ARFGEF1: variants seen among roughly 807,000 people sequenced by gnomAD.
The protein encoded by ARFGEF1 is brefeldin A-inhibited guanine nucleotide-exchange protein 1.
ARFGEF1 carries 42 observed loss-of-function variants against 231.0 expected under a neutral mutation model. The observed-to-expected ratio is 0.18, with a 90% CI of 0.14 to 0.24. ARFGEF1 has a LOEUF of 0.24. ARFGEF1 is among the 10% of genes least tolerant of loss of function. The pLI, the probability that ARFGEF1 is intolerant of heterozygous loss-of-function variation, is 1.00. For missense variants in ARFGEF1, 1,345 were observed against 2,192.0 expected (o/e 0.61, Z 7.72); for synonymous variants, 710 against 732.3 (o/e 0.97, Z 0.49).
intron 5 of ARFGEF1, among the ~76,000 whole-genome samples, chr8:67,191,579 C>G (rs776777532): frequency 3.3e-5 from 5 of 152,178 alleles, no homozygotes; most frequent in Non-Finnish European, 5.9e-5. Context: ...GAAGGTCATT[C>G]ATGTTGTAGC....
intron 1 of ARFGEF1, among the ~76,000 whole-genome samples, chr8:67,310,053 G>T (rs1437600384): frequency 1.3e-5 from 2 of 152,090 alleles, no homozygotes; most frequent in Non-Finnish European, 2.9e-5. Flanking sequence ...AACCCAAACA[G>T]GATAGAAATC....
At chr8:67,193,495 G>GTC (rs1206214608), downstream of ARFGEF1, 6 of 1,613,372 alleles carry the variant, frequency 3.7e-6, no homozygotes, top group Non-Finnish European at 5.1e-6. Flanking sequence ...GCACCAGATG[G>GTC]TCTCTCTCTA....
At chr8:67,274,190 T>C (rs1391642664) in intron 9 of ARFGEF1, among the ~76,000 whole-genome samples, 1 of 152,186 alleles carries the variant, frequency 6.6e-6, no homozygotes, top group African/African-American at 2.4e-5. Flanking sequence ...CAGTTTTTCA[T>C]GGGGTAGTTT....
chr8:67,181,912 G>A (rs1456159666), intron 5 of ARFGEF1, among the ~76,000 whole-genome samples: 2 of 152,106 alleles, frequency 1.3e-5, no homozygotes, highest in African/African-American at 4.8e-5. Context: ...CATGTAAGTG[G>A]AATCATACAG....
intron 19 of ARFGEF1, among the ~76,000 whole-genome samples, chr8:67,250,780 G>A (rs1468829092): frequency 6.6e-6 from 1 of 152,202 alleles, no homozygotes; most frequent in Non-Finnish European, 1.5e-5. Flanking sequence ...AGAAAGGATA[G>A]AGAATGAAGA....
In ARFGEF1 at chr8:67,301,410, C is replaced by T. The variant is rs113876224; in HGVS notation, c.156-30G>A. The T allele has an allele frequency of 4.3e-4, 683 of 1,578,026 alleles. 10 individuals carry two copies. In the African/African-American group the frequency reaches 7.8e-3, roughly 18 times the overall value. ...ATGAGAAAGAAAAGTCTGATTATAG[C>T]GTATCACATTTATAATATTGATAAT... On this transcript the variant is annotated intron_variant, in intron 2 of 38. Transcript: ENST00000262215.
intron 23 of ARFGEF1, among the ~76,000 whole-genome samples, chr8:67,228,721 T>C (rs2128872577): frequency 6.6e-6 from 1 of 152,210 alleles, no homozygotes; most frequent in African/African-American, 2.4e-5. Flanking sequence ...AAAAGTGACT[T>C]AATATAACCT....
chr8:67,213,703 A>G (rs1307012251), intron 33 of ARFGEF1, among the ~76,000 whole-genome samples: 1 of 152,218 alleles, frequency 6.6e-6, no homozygotes, highest in Non-Finnish European at 1.5e-5. Flanking sequence ...ATTATCTTCA[A>G]TAATCTAGAT....
chr8:67,227,878 G>A, intron 25 of ARFGEF1, 85 bp downstream of exon 25: 1 of 1,149,766 alleles, frequency 8.7e-7, no homozygotes, highest in Non-Finnish European at 1.2e-6. Context: ...TGCTTGGAAG[G>A]GAAAAAGGCT....
At chr8:67,269,544 T>C (rs1485727370) in intron 10 of ARFGEF1, among the ~76,000 whole-genome samples, 2 of 151,848 alleles carry the variant, frequency 1.3e-5, no homozygotes, top group Non-Finnish European at 2.9e-5. Flanking sequence ...AGAGATGGGG[T>C]TTCTCCATGT....
chr8:67,276,208 A>C, intron 8 of ARFGEF1, 99 bp from the exon 9 acceptor site: 1 of 1,334,442 alleles, frequency 7.5e-7, no homozygotes, highest in Non-Finnish European at 1.0e-6. Context: ...TAACAGGTGG[A>C]GATTCCCCCA....
In ARFGEF1 at chr8:67,291,989, G is replaced by T. The variant is rs746271287; in HGVS notation, c.774C>A (p.Ser258=). 30 of 1,613,746 alleles carry T rather than the reference G, an allele frequency of 1.9e-5. No homozygotes were observed. The highest frequency in any genetic ancestry group is 2.5e-5 in the Non-Finnish European group (29 of 1,179,876). The change falls in exon 6 of 39, where the codon TCC becomes TCA. Residue 258 remains serine (S), a synonymous_variant. Coordinates refer to ENST00000262215, the MANE Select transcript of ARFGEF1 (RefSeq NM_006421.5). ...GGTCAAGGTCCCCTTCGTGTTCTTG[G>T]GATATATGATCAACAGTCTGAGGTG... ...YLPPQTVDHI[S]QEHEGDLDLH... is the part of the protein sequence containing the mutation.
At chr8:67,340,928 A>G (rs1808595501) in intron 1 of ARFGEF1, among the ~76,000 whole-genome samples, 1 of 152,222 alleles carries the variant, frequency 6.6e-6, no homozygotes, top group African/African-American at 2.4e-5. Context: ...AGAGCGCTAT[A>G]GGCCCTCTAA....
At chr8:67,266,632 G>A (rs1474885406) in intron 13 of ARFGEF1, among the ~76,000 whole-genome samples, 1 of 152,014 alleles carries the variant, frequency 6.6e-6, no homozygotes. Context: ...CAAGAAAGTT[G>A]CATAAATATG....
chr8:67,333,304 A>C (rs1671267363), intron 1 of ARFGEF1, among the ~76,000 whole-genome samples: 1 of 150,430 alleles, frequency 6.6e-6, no homozygotes, highest in African/African-American at 2.5e-5. Flanking sequence ...AAGTGCTGAG[A>C]TTACAAGCAT....
At chr8:67,212,780 A>C (rs748564860) in intron 33 of ARFGEF1, among the ~76,000 whole-genome samples, 6 of 152,212 alleles carry the variant, frequency 3.9e-5, no homozygotes, top group Admixed American at 2.0e-4. Flanking sequence ...GGAAGAAATT[A>C]CTCAGTTCTC....
At chr8:67,249,624 T>C (rs1426729054) in intron 19 of ARFGEF1, among the ~76,000 whole-genome samples, 1 of 148,974 alleles carries the variant, frequency 6.7e-6, no homozygotes, top group Non-Finnish European at 1.5e-5. Flanking sequence ...TTTATTTTTA[T>C]TTTTATTTTT....
chr8:67,341,813 T>C (rs1234026842), intron 1 of ARFGEF1, among the ~76,000 whole-genome samples: 2 of 152,240 alleles, frequency 1.3e-5, no homozygotes, highest in East Asian at 3.8e-4. Flanking sequence ...GGGAACAGTC[T>C]TTTGTTAGCT....
intron 5 of ARFGEF1, chr8:67,190,525 A>G (rs1835924286): frequency 5.8e-6 from 4 of 694,252 alleles, no homozygotes; most frequent in Non-Finnish European, 1.0e-5. Context: ...CTGTGTATGT[A>G]CATACATTGA....
Sources: allele counts gnomAD v4.1 joint callset (sites outside exome capture counted in the v4.1 genomes callset), GRCh38; gene constraint gnomAD v4.1.1; transcripts MANE v1.5; gene names NCBI Gene and HGNC (gene_info 2026-07-23, HGNC 2026-07-21).